CEP128: variants seen among roughly 807,000 people sequenced by gnomAD.
CEP128 encodes the protein centrosomal protein 128kDa.
Under a neutral mutation model 156.7 loss-of-function variants are expected in CEP128, and 132 were observed. The ratio of observed to expected loss-of-function variants is 0.84; its 90% CI spans 0.73 to 0.97. The LOEUF is 0.97. CEP128 is among the 50% of genes least tolerant of loss of function. The pLI, the probability that CEP128 is intolerant of heterozygous loss-of-function variation, is 0.00. For synonymous variants in CEP128, 469 were observed against 448.9 expected (o/e 1.04, Z -0.57); for missense variants, 1,252 against 1,281.9 (o/e 0.98, Z 0.36).
At chr14:80,539,740 C>T (rs763799031) in intron 21 of CEP128, among the ~76,000 whole-genome samples, 20 of 150,908 alleles carry the variant, frequency 1.3e-4, no homozygotes, top group South Asian at 4.2e-4. Context: ...TTGCAGAGAG[C>T]GTATAAACAG....
chr14:80,913,111 GTAAGTAT>G (rs1253193485), intron 4 of CEP128, among the ~76,000 whole-genome samples: 1 of 152,106 alleles, frequency 6.6e-6, no homozygotes, highest in Non-Finnish European at 1.5e-5. Context: ...CCCATGTAAA[GTAAGTAT>G]AAACTGGAAC....
At chr14:80,810,323 C>CAAAAAAAAAAAAAAAAAAAAAA in intron 13 of CEP128, among the ~76,000 whole-genome samples, 1 of 15,204 alleles carries the variant, frequency 6.6e-5, no homozygotes, top group Non-Finnish European at 1.3e-4. Context: ...ACTCCATCTC[C>CAAAAAAAAAAAAAAAAAAAAAA]AAAAAAAAAA....
intron 19 of CEP128, among the ~76,000 whole-genome samples, chr14:80,663,890 T>C (rs1049841073): frequency 2.0e-5 from 3 of 152,218 alleles, no homozygotes; most frequent in Non-Finnish European, 2.9e-5. Context: ...TCTTTATTAA[T>C]TGTTATACCA....
intron 19 of CEP128, among the ~76,000 whole-genome samples, chr14:80,610,329 C>G (rs1403396106): frequency 6.6e-6 from 1 of 152,026 alleles, no homozygotes; most frequent in Non-Finnish European, 1.5e-5. Context: ...TTACTACTAT[C>G]ACTAATTTAA....
intron 12 of CEP128, among the ~76,000 whole-genome samples, chr14:80,835,104 G>A (rs78316711): frequency 0.048 from 7,314 of 152,098 alleles, 200 homozygotes; most frequent in Middle Eastern, 0.061. Context: ...TTGTCAGAAC[G>A]CCAGGACATC....
At chr14:80,583,189 G>A (rs1227771049) in intron 19 of CEP128, among the ~76,000 whole-genome samples, 1 of 152,182 alleles carries the variant, frequency 6.6e-6, no homozygotes, top group Non-Finnish European at 1.5e-5. Flanking sequence ...CAACAAATCT[G>A]ATGCCAATGA....
chr14:80,567,648 A>T (rs1334708227), intron 20 of CEP128, among the ~76,000 whole-genome samples: 1 of 152,216 alleles, frequency 6.6e-6, no homozygotes, highest in Non-Finnish European at 1.5e-5. Flanking sequence ...ATCACTACAG[A>T]CAAAATGAAG....
intron 19 of CEP128, among the ~76,000 whole-genome samples, chr14:80,701,252 C>G (rs1180840355): frequency 6.6e-6 from 1 of 152,120 alleles, no homozygotes; most frequent in Non-Finnish European, 1.5e-5. Flanking sequence ...GTAGAGGCAG[C>G]TGAGAGTGTA....
intron 13 of CEP128, among the ~76,000 whole-genome samples, chr14:80,823,618 A>C (rs1313021505): frequency 1.4e-5 from 1 of 72,704 alleles, no homozygotes; most frequent in Non-Finnish European, 4.1e-5. Context: ...AAAAAAAAAA[A>C]AACTCCAAAA....
At chr14:80,490,610 C>A (rs1030859576) in exon 7 of CEP128, 5 of 152,176 alleles carry the variant, frequency 3.3e-5, no homozygotes, top group African/African-American at 1.2e-4. Context: ...CTGGCATAGT[C>A]TGTTAGAAGG....
chr14:80,827,481 C>CGG (rs1448452872), intron 13 of CEP128, among the ~76,000 whole-genome samples: 1 of 152,094 alleles, frequency 6.6e-6, no homozygotes, highest in African/African-American at 2.4e-5. Flanking sequence ...TGCACAGCAA[C>CGG]ATATCAAAAG....
chr14:80,621,700 A>T (rs1299490595), intron 19 of CEP128, among the ~76,000 whole-genome samples: 2 of 152,222 alleles, frequency 1.3e-5, no homozygotes, highest in Non-Finnish European at 2.9e-5. Context: ...GCTCCAAATC[A>T]GCTATGATAT....
intron 1 of CEP128, among the ~76,000 whole-genome samples, chr14:80,939,776 T>C (rs1371365105): frequency 2.0e-5 from 3 of 152,178 alleles, no homozygotes; most frequent in African/African-American, 7.2e-5. Context: ...CCCTGGGGCT[T>C]GCCAGAGAGT....
rs1177889560 is a variant in CEP128 at position 80,497,535 on chromosome 14, C to T, written c.3229G>A (p.Asp1077Asn). 1.9e-6 allele frequency: 3 copies of T among 1,613,572 alleles called. No homozygotes were observed. Among genetic ancestry groups the T allele is most frequent in the South Asian group, 2.2e-5 (2 of 91,040 alleles). Residue 1077 changes from aspartate to asparagine, a missense_variant, in exon 25 of 25, where the codon GAT (aspartate) becomes AAT (asparagine). Asp to Asn is a conservative substitution (Grantham distance 23). Coordinates refer to ENST00000555265, the MANE Select transcript of CEP128 (RefSeq NM_152446.5). Reference protein sequence around the residue: ...VAPDSASNKEDATMNGTSSQP... With the variant: ...VAPDSASNKENATMNGTSSQP... ...GAACTTGTTCCATTCATTGTGGCAT[C>T]TTCCTTGTTTGAAGCTGAATCTGGA...
chr14:80,811,677 A>ATGTG (rs71645384), intron 13 of CEP128, among the ~76,000 whole-genome samples: 7,348 of 146,434 alleles, frequency 0.05, 179 homozygotes, highest in Non-Finnish European at 0.059. Context: ...GTACAGACAT[A>ATGTG]TGTGTGTGTG....
intron 6 of CEP128, among the ~76,000 whole-genome samples, chr14:80,903,611 G>A (rs1258404515): frequency 1.3e-5 from 2 of 150,990 alleles, no homozygotes; most frequent in Non-Finnish European, 2.9e-5. Context: ...CTGACAAGGC[G>A]TTAATATCCA....
intron 9 of CEP128, among the ~76,000 whole-genome samples, chr14:80,844,586 T>A (rs1280625336): frequency 1.3e-5 from 2 of 152,162 alleles, no homozygotes; most frequent in Admixed American, 1.3e-4. Flanking sequence ...TTCCTCTTTT[T>A]CAAAAGGTAA....
chr14:80,904,113 A>G (rs1883742321), intron 6 of CEP128, among the ~76,000 whole-genome samples: 1 of 152,158 alleles, frequency 6.6e-6, no homozygotes, highest in Non-Finnish European at 1.5e-5. Context: ...GAATGAATGG[A>G]TACAGAAAAT....
At chr14:80,633,134 G>A (rs1404885201) in intron 19 of CEP128, among the ~76,000 whole-genome samples, 1 of 145,638 alleles carries the variant, frequency 6.9e-6, no homozygotes. Context: ...GGCTGAGGCA[G>A]GAGGATCACG....
Sources: gnomAD v4.1 joint callset for allele counts (sites outside exome capture counted in the v4.1 genomes callset) on GRCh38, gnomAD v4.1.1 for gene constraint, MANE v1.5 for transcripts, NCBI Gene and HGNC (gene_info 2026-07-23, HGNC 2026-07-21) for gene names.